Variants in APBA1 observed in about 807,000 individuals in gnomAD.
APBA1 encodes the protein amyloid-beta A4 precursor protein-binding family A member 1.
A neutral mutation model predicts 86.6 loss-of-function variants in APBA1; 55 were observed. The ratio of observed to expected loss-of-function variants is 0.64; its 90% CI spans 0.51 to 0.80. The LOEUF (loss-of-function observed/expected upper bound fraction) is 0.80, where lower values mean the gene tolerates loss of function less well. Among genes scored for constraint, APBA1 ranks in the 30% least tolerant of loss-of-function variants. The probability of loss-of-function intolerance (pLI) is 0.00; values close to 1 mark genes in which losing one functional copy is unlikely to be tolerated. For synonymous variants in APBA1, 511 were observed against 493.9 expected, an observed-to-expected ratio of 1.03 and a Z score of -0.46; for missense variants, 1,090 against 1,183.0, an observed-to-expected ratio of 0.92 and a Z score of 1.15.
chr9:69,501,792 C>T lies in APBA1; in HGVS notation c.1200+14219G>A, dbSNP rs1286671226. ...GCAGTGAGCTAGGATTGTATCCTTG[C>T]ACTCTAGCCTCGGTCACAGAGTGAG... On this transcript the variant is annotated intron_variant, in intron 2 of 12. Coordinates refer to ENST00000265381, the MANE Select transcript of APBA1 (RefSeq NM_001163.4). 2.0e-5 allele frequency among the ~76,000 whole-genome samples: 3 copies of T among 152,046 alleles called. No homozygotes were observed. In the East Asian group the frequency reaches 5.8e-4, roughly 29 times the overall value.
chr9:69,512,539 A>G (rs1385016404), intron 2 of APBA1, among the ~76,000 whole-genome samples: 1 of 152,204 alleles, frequency 6.6e-6, no homozygotes, highest in Non-Finnish European at 1.5e-5. Flanking sequence ...TGCTTTTGTA[A>G]GAATACCATT....
At chr9:69,625,362 C>T (rs1034006631) in intron 1 of APBA1, among the ~76,000 whole-genome samples, 4 of 152,182 alleles carry the variant, frequency 2.6e-5, no homozygotes, top group Non-Finnish European at 2.9e-5. Flanking sequence ...GATTTAACTG[C>T]AGCTGATAGT....
At chr9:69,547,014 A>G (rs1018917343) in intron 1 of APBA1, among the ~76,000 whole-genome samples, 1 of 152,222 alleles carries the variant, frequency 6.6e-6, no homozygotes, top group African/African-American at 2.4e-5. Context: ...AGTATTAAGA[A>G]AGTTCCTTTT....
Position 69,452,271 on chromosome 9 carries a change from C to T in APBA1, c.1819G>A (p.Ala607Thr). Residue 607 changes from alanine (A) to threonine (T), a missense_variant, in exon 9 of 13, where the codon GCA becomes ACA. Ala to Thr is a moderately conservative substitution (Grantham distance 58, BLOSUM62 0). Around this residue, in one of 6 missense-constraint regions of APBA1, gnomAD observed 97 missense variants for 166.8 expected, o/e 0.58. Transcript: ENST00000265381. ...AATTCCTGGTATGCCACGCTAAATG[C>T]CTGTCCGATGGACTGTGCAATCAGC... Reference protein sequence around the residue: ...AQLIAQSIGQAFSVAYQEFLR... With the variant: ...AQLIAQSIGQTFSVAYQEFLR... The T allele has an allele frequency of 1.2e-6, 2 of 1,614,196 alleles. No homozygotes were observed. The highest frequency in any genetic ancestry group is 1.7e-6 in the Non-Finnish European group (2 of 1,180,036).
At chr9:69,554,656 C>A (rs1378281303) in intron 1 of APBA1, among the ~76,000 whole-genome samples, 4 of 152,096 alleles carry the variant, frequency 2.6e-5, no homozygotes. Context: ...CCATGATACA[C>A]CAGTCAAAAC....
At chr9:69,459,920 T>C (rs1005883016) in intron 5 of APBA1, among the ~76,000 whole-genome samples, 1 of 152,274 alleles carries the variant, frequency 6.6e-6, no homozygotes, top group Admixed American at 6.5e-5. Context: ...ATGCAATTTC[T>C]TGCCTTTTGC....
rs570894090 is a variant in APBA1, at chr9:69,612,150, T to C, written c.-70+60003A>G. Among the ~76,000 whole-genome samples, 243 of 152,180 alleles carry C rather than the reference T, an allele frequency of 1.6e-3. 1 individual carries two copies. The highest frequency in any genetic ancestry group is 6.8e-3 in the Middle Eastern group (2 of 292). ...TAGTTTAATGAAAACATCTTTATCA[T>C]CTGATTTACCCACAAAATACCCATA... On this transcript the variant is annotated intron_variant, in intron 1 of 12. Coordinates refer to ENST00000265381, the MANE Select transcript of APBA1 (RefSeq NM_001163.4).
intron 1 of APBA1, among the ~76,000 whole-genome samples, chr9:69,575,297 A>C (rs1316073616): frequency 1.3e-5 from 2 of 152,180 alleles, no homozygotes; most frequent in Non-Finnish European, 2.9e-5. Context: ...TAATTTATAG[A>C]TTCAATGCCA....
chr9:69,560,194 G>A (rs184902030), intron 1 of APBA1, among the ~76,000 whole-genome samples: 16 of 152,192 alleles, frequency 1.1e-4, no homozygotes, highest in Non-Finnish European at 2.1e-4. Flanking sequence ...TGGTTCTTTT[G>A]AACTGCCACT....
rs767054560 is a variant in APBA1 at position 69,467,948 on chromosome 9, C to T, written c.1357G>A (p.Glu453Lys). ...AAAATGATTCCATCGATCAAGTCTT[C>T]GGGGTCGCAGGGTCCCGGAACTGTA... ...YVEVPGPCDP[E>K]DLIDGIIFAA... Residue 453 changes from glutamate (E) to lysine (K), a missense_variant, in exon 5 of 13, where the codon GAA (glutamate) becomes AAA (lysine). By Grantham distance (56) the Glu-to-Lys change is moderately conservative (BLOSUM62 1). Around this residue, in one of 6 missense-constraint regions of APBA1, gnomAD observed 76 missense variants for 122.2 expected, o/e 0.62. Transcript: ENST00000265381. 3.2e-5 allele frequency: 51 copies of T among 1,614,028 alleles called. No homozygotes were observed. Among genetic ancestry groups the T allele is most frequent in the Admixed American group, 1.3e-4 (8 of 59,996 alleles).
rs566491385 is a variant in APBA1, at chr9:69,500,571, C to T, written c.1200+15440G>A. Among the ~76,000 whole-genome samples the T allele has an allele frequency of 9.2e-5, 14 of 152,128 alleles. No individual in the cohort carries two copies. The East Asian group carries it at 1.7e-3, about 19-fold the overall frequency. ...TTGCTCTGAGAGAGATACAGGAGAACGATGAGACACCGACAGTGAATTACA... is the reference window on the plus strand; with the variant it reads ...TTGCTCTGAGAGAGATACAGGAGAATGATGAGACACCGACAGTGAATTACA... On this transcript the variant is annotated intron_variant, in intron 2 of 12. Coordinates refer to ENST00000265381, the MANE Select transcript of APBA1 (RefSeq NM_001163.4).
At chr9:69,651,753 G>A (rs984392515) in intron 1 of APBA1, among the ~76,000 whole-genome samples, 18 of 152,166 alleles carry the variant, frequency 1.2e-4, no homozygotes, top group Non-Finnish European at 2.2e-4. Context: ...TGAGATTACC[G>A]GCGTGAGCCA....
At chr9:69,484,407 G>T (rs1237222874) in intron 2 of APBA1, among the ~76,000 whole-genome samples, 1 of 152,142 alleles carries the variant, frequency 6.6e-6, no homozygotes. Context: ...CCTTGCAGAG[G>T]CTCTGGCTGG....
rs183190099 is a variant in APBA1, at chr9:69,492,059, C to T, written c.1201-15916G>A. ...GGATTACAGGCATGAGCCACTGCTG[C>T]GCCCAGTGCCTTGAAATGTTTTTAA... is the stretch of plus-strand genomic sequence containing the variant. On this transcript the variant is annotated intron_variant, in intron 2 of 12. Transcript: ENST00000265381. Among the ~76,000 whole-genome samples, 412 of 152,240 alleles carry T rather than the reference C, an allele frequency of 2.7e-3. 3 individuals carry two copies. The highest frequency in any genetic ancestry group is 8.8e-3 in the African/African-American group (364 of 41,554).
intron 8 of APBA1, among the ~76,000 whole-genome samples, chr9:69,455,873 C>T (rs575231385): frequency 1.8e-4 from 27 of 152,280 alleles, no homozygotes; most frequent in African/African-American, 6.5e-4. Context: ...GCATTTGCTC[C>T]TTCCTCTTTC....
At chr9:69,617,664 T>C (rs1218174296) in intron 1 of APBA1, among the ~76,000 whole-genome samples, 2 of 152,122 alleles carry the variant, frequency 1.3e-5, no homozygotes, top group East Asian at 1.9e-4. Flanking sequence ...TACACCTTCA[T>C]TCTCCCCAGA....
chr9:69,558,173 T>C (rs1290548928), intron 1 of APBA1, among the ~76,000 whole-genome samples: 1 of 152,176 alleles, frequency 6.6e-6, no homozygotes, highest in Non-Finnish European at 1.5e-5. Flanking sequence ...AATGTGGTTT[T>C]TATTGGCTCT....
intron 7 of APBA1, 54 bp downstream of exon 7, chr9:69,456,999 T>C (rs1835108926): frequency 6.9e-7 from 1 of 1,453,736 alleles, no homozygotes; most frequent in African/African-American, 1.4e-5. Flanking sequence ...CATGCATCTC[T>C]GAGTTACGAT....
chr9:69,637,709 G>C (rs1165063437), intron 1 of APBA1, among the ~76,000 whole-genome samples: 3 of 152,138 alleles, frequency 2.0e-5, no homozygotes, highest in Admixed American at 1.3e-4. Context: ...AACAGTTTCT[G>C]CCAGTTTAAT....
Sources: gnomAD v4.1 joint callset for allele counts (sites outside exome capture counted in the v4.1 genomes callset) on GRCh38, gnomAD v4.1.1 for gene constraint, gnomAD v4.1.1 regional missense constraint, MANE v1.5 for transcripts, NCBI Gene and HGNC (gene_info 2026-07-23, HGNC 2026-07-21) for gene names.